Variants in SLC6A6 observed in about 807,000 individuals in gnomAD.
SLC6A6 encodes the protein solute carrier family 6 member 6.
A neutral mutation model predicts 68.8 loss-of-function variants in SLC6A6; 16 were observed. The observed-to-expected ratio is 0.23, with a 90% CI of 0.16 to 0.35. The LOEUF (loss-of-function observed/expected upper bound fraction) is 0.35. SLC6A6 is among the 10% of genes least tolerant of loss of function. The pLI is 1.00. For synonymous variants in SLC6A6, 312 were observed against 315.4 expected (o/e 0.99, Z 0.12); for missense variants, 474 against 802.8 (o/e 0.59, Z 4.95).
chr3:14,485,001 G>T lies in SLC6A6; in HGVS notation c.1857G>T (p.Met619Ile). The change falls in exon 15 of 15, where the codon ATG (methionine) becomes ATT (isoleucine). Residue 619 changes from methionine (M) to isoleucine (I), a missense_variant. This residue lies in a region of SLC6A6 where 194 missense variants were observed against 269.8 expected (regional missense o/e 0.72). Coordinates refer to ENST00000622186, the MANE Select transcript of SLC6A6 (RefSeq NM_003043.6). ...CGACCCACATCATTGTGGAGACCAT[G>T]ATGTGAGCTCTCTCGGGTCGACGGG... Reference protein sequence around the residue: ...VKPTHIIVETMM With the variant: ...VKPTHIIVETIM The T allele has an allele frequency of 6.2e-7, 1 of 1,608,918 alleles. No individual in the cohort carries two copies. The highest frequency in any genetic ancestry group is 8.5e-7 in the Non-Finnish European group (1 of 1,176,172).
intron 3 of SLC6A6, 91 bp downstream of exon 3, chr3:14,443,954 T>G (rs926404716): frequency 1.2e-6 from 1 of 819,076 alleles, no homozygotes; most frequent in African/African-American, 1.7e-5. Flanking sequence ...GGCCTCTCTT[T>G]CCCTGCTTTC....
intron 2 of SLC6A6, among the ~76,000 whole-genome samples, chr3:14,417,688 T>C (rs1699395073): frequency 1.4e-5 from 2 of 147,938 alleles, no homozygotes; most frequent in Middle Eastern, 3.4e-3. Flanking sequence ...GCCGCGATCG[T>C]GCCACTGCAC....
intron 5 of SLC6A6, among the ~76,000 whole-genome samples, chr3:14,452,529 G>C (rs1261476362): frequency 6.6e-6 from 1 of 152,186 alleles, no homozygotes; most frequent in East Asian, 1.9e-4. Flanking sequence ...CACCAGCCCA[G>C]AGCCCGGGCC....
intron 1 of SLC6A6, among the ~76,000 whole-genome samples, chr3:14,404,299 G>A (rs1699056818): frequency 6.6e-6 from 1 of 151,958 alleles, no homozygotes; most frequent in South Asian, 2.1e-4. Context: ...CCTCCCTCTC[G>A]ACCAGGGAGT....
At position 14,485,034 on chromosome 3, in the gene SLC6A6, G is replaced by A. The variant is rs1458574176; in HGVS notation, c.*27G>A. 8.9e-6 allele frequency: 14 copies of A among 1,577,698 alleles called. No homozygotes were observed. The highest frequency in any genetic ancestry group is 5.1e-5 in the Admixed American group (3 of 58,400). ...CTCTCTCGGGTCGACGGGGCCGGCG[G>A]CTTTCCTGCTGTTTACTAACATTAG... On this transcript the variant is annotated 3_prime_UTR_variant, in exon 15 of 15. Coordinates refer to ENST00000622186, the MANE Select transcript of SLC6A6 (RefSeq NM_003043.6).
intron 6 of SLC6A6, among the ~76,000 whole-genome samples, chr3:14,464,978 C>T (rs527660321): frequency 6.6e-6 from 1 of 152,270 alleles, no homozygotes; most frequent in East Asian, 1.9e-4. Flanking sequence ...TCCTGGATTC[C>T]GTTGATGCCC....
chr3:14,447,200 T>A lies in SLC6A6; in HGVS notation c.365-382T>A, dbSNP rs117108889. On this transcript the variant is annotated intron_variant, in intron 4 of 14. Transcript: ENST00000622186. ...CTATCCATCTGTTCATTCATCCATCTATTTATCTCATCTATTCAGCTATCC... is the reference window on the plus strand; with the variant it reads ...CTATCCATCTGTTCATTCATCCATCAATTTATCTCATCTATTCAGCTATCC... 2.9e-4 allele frequency among the ~76,000 whole-genome samples: 44 copies of A among 152,126 alleles called. No homozygotes were observed. The East Asian group carries it at 7.0e-3, about 24-fold the overall frequency.
At chr3:14,403,575 A>G (rs933060364) in intron 1 of SLC6A6, among the ~76,000 whole-genome samples, 6 of 152,098 alleles carry the variant, frequency 3.9e-5, no homozygotes, top group African/African-American at 1.4e-4. Context: ...GCGTGGCTCC[A>G]TAGGTGCATG....
intron 7 of SLC6A6, among the ~76,000 whole-genome samples, chr3:14,466,990 C>T (rs1700635485): frequency 6.6e-6 from 1 of 152,220 alleles, no homozygotes; most frequent in Non-Finnish European, 1.5e-5. Context: ...ACTGCAGCCA[C>T]AAGGGCTGCT....
chr3:14,475,861 G>C (rs1426494833), intron 10 of SLC6A6, among the ~76,000 whole-genome samples: 1 of 152,204 alleles, frequency 6.6e-6, no homozygotes, highest in East Asian at 1.9e-4. Context: ...CCTCTTGAGA[G>C]CCTCCTGCTC....
chr3:14,468,320 T>A lies in SLC6A6; in HGVS notation c.1096+108T>A. On this transcript the variant is annotated intron_variant, in intron 9 of 14. Coordinates refer to ENST00000622186, the MANE Select transcript of SLC6A6 (RefSeq NM_003043.6). The surrounding 1 kb of genome is among the most constrained non-coding windows in gnomAD (Gnocchi z 4.5). ...AGGGGGCTTTGAGGGGGGACGAGCCTGGTTTCTAAAATGGACCCCCCCCCC... is the reference window on the plus strand; with the variant it reads ...AGGGGGCTTTGAGGGGGGACGAGCCAGGTTTCTAAAATGGACCCCCCCCCC... The A allele has an allele frequency of 1.0e-6, 1 of 960,858 alleles. No individual in the cohort carries two copies. Among genetic ancestry groups the A allele is most frequent in the Non-Finnish European group, 1.5e-6 (1 of 687,132 alleles). 59.5% of individuals were successfully genotyped at this position (960,858 alleles called of 1,614,324 possible).
At chr3:14,473,312 C>T (rs77766261) in intron 10 of SLC6A6, among the ~76,000 whole-genome samples, 132 of 152,284 alleles carry the variant, frequency 8.7e-4, no homozygotes, top group African/African-American at 3.2e-3. Flanking sequence ...AGCATGAGCC[C>T]CTCAGGCAGC....
chr3:14,443,778 C>A lies in SLC6A6; in HGVS notation c.144C>A (p.Ile48=), dbSNP rs760821520. 3.3e-5 allele frequency: 54 copies of A among 1,614,026 alleles called. No homozygotes were observed. The highest frequency in any genetic ancestry group is 4.6e-5 in the Non-Finnish European group (54 of 1,179,996). ...AGAGGGAGAAGTGGTCTAGCAAGATCGACTTTGTGCTCTCTGTGGCTGGCG... is the reference window on the plus strand; with the variant it reads ...AGAGGGAGAAGTGGTCTAGCAAGATAGACTTTGTGCTCTCTGTGGCTGGCG... ...PPQREKWSSK[I]DFVLSVAGGF... is the part of the protein sequence containing the mutation. The change falls in exon 3 of 15, where the codon ATC becomes ATA. Residue 48 remains isoleucine, a synonymous_variant. Transcript: ENST00000622186.
intron 2 of SLC6A6, among the ~76,000 whole-genome samples, chr3:14,429,993 G>A (rs1363215499): frequency 1.3e-5 from 2 of 152,096 alleles, no homozygotes; most frequent in African/African-American, 4.8e-5. Context: ...TCTTGGGTGG[G>A]CGGGAAGGGC....
intron 14 of SLC6A6, among the ~76,000 whole-genome samples, chr3:14,482,678 G>C (rs1169481244): frequency 6.6e-6 from 1 of 152,158 alleles, no homozygotes; most frequent in Non-Finnish European, 1.5e-5. Context: ...GGTGGTGCTG[G>C]TGGCAGGGGA....
In SLC6A6 at chr3:14,481,728, G is replaced by A. The variant is rs755202696; in HGVS notation, c.1609G>A (p.Val537Met). ...ACCCCTGACCTACAACAAAACATAC[G>A]TGTACCCCAACTGGGCCATTGGGCT... ...YVPLTYNKTY[V>M]YPNWAIGLGW... Residue 537 changes from valine to methionine, a missense_variant, in exon 14 of 15, where the codon GTG becomes ATG. This residue lies in a region of SLC6A6 where 194 missense variants were observed against 269.8 expected (regional missense o/e 0.72). Coordinates refer to ENST00000622186, the MANE Select transcript of SLC6A6 (RefSeq NM_003043.6). This position sits in a 1 kb window ranked among gnomAD's most constrained non-coding sequence, Gnocchi z 4.7. 3.7e-6 allele frequency: 6 copies of A among 1,613,752 alleles called. No homozygotes were observed. The Admixed American group carries it at 5.0e-5, about 13-fold the overall frequency.
intron 2 of SLC6A6, among the ~76,000 whole-genome samples, chr3:14,441,843 A>G (rs1242934589): frequency 1.3e-5 from 2 of 152,222 alleles, no homozygotes; most frequent in Non-Finnish European, 2.9e-5. Flanking sequence ...GATCCACCTA[A>G]CCCAGCAGCT....
Position 14,435,540 on chromosome 3 carries a change from C to T in SLC6A6, c.-11-8084C>T, listed in dbSNP as rs572912915. 2.1e-4 allele frequency among the ~76,000 whole-genome samples: 32 copies of T among 152,344 alleles called. 1 individual carries two copies. In the South Asian group the frequency reaches 6.2e-3, roughly 30 times the overall value. On this transcript the variant is annotated intron_variant, in intron 2 of 14. Transcript: ENST00000622186. ...ACCAGAATATTTTTGCTCATTGTTT[C>T]GGCTTTGTTCCGGGCAAAACAATGC...
chr3:14,418,672 T>G (rs954814183), intron 2 of SLC6A6, among the ~76,000 whole-genome samples: 4 of 152,232 alleles, frequency 2.6e-5, no homozygotes, highest in Non-Finnish European at 4.4e-5. Flanking sequence ...GGTGTGCTCT[T>G]ACTCTTTTTG....
Sources: allele counts gnomAD v4.1 joint callset (sites outside exome capture counted in the v4.1 genomes callset), GRCh38; gene constraint gnomAD v4.1.1; regional missense constraint gnomAD v4.1.1; non-coding constraint Gnocchi (gnomAD v3.1); transcripts MANE v1.5; gene names NCBI Gene and HGNC (gene_info 2026-07-23, HGNC 2026-07-21).